RASSF5: variants seen among roughly 807,000 people sequenced by gnomAD.
RASSF5 encodes ras association domain-containing protein 5.
RASSF5 carries 25 observed loss-of-function variants against 40.5 expected under a neutral mutation model. The ratio of observed to expected loss-of-function variants is 0.62; its 90% CI spans 0.45 to 0.86. RASSF5 has a LOEUF of 0.86. Among genes scored for constraint, RASSF5 ranks in the 40% least tolerant of loss-of-function variants. The probability of loss-of-function intolerance (pLI) is 0.00; values close to 1 mark genes in which losing one functional copy is unlikely to be tolerated. For missense variants in RASSF5, 521 were observed against 572.8 expected (o/e 0.91, Z 0.92); for synonymous variants, 246 against 252.4 (o/e 0.97, Z 0.24).
At chr1:206,546,458 T>C (rs138394397) in intron 2 of RASSF5, among the ~76,000 whole-genome samples, 67 of 152,260 alleles carry the variant, frequency 4.4e-4, no homozygotes, top group African/African-American at 1.6e-3. Flanking sequence ...GTTCACTTTT[T>C]CTTTTTTTCT....
intron 1 of RASSF5, among the ~76,000 whole-genome samples, chr1:206,519,540 G>C (rs1666849793): frequency 6.6e-6 from 1 of 152,204 alleles, no homozygotes; most frequent in African/African-American, 2.4e-5. Flanking sequence ...TTGCCATCTG[G>C]CTGGGTCTGG....
rs1298036744 is a variant in RASSF5 at position 206,587,972 on chromosome 1, T to G, written c.*994T>G. ...ACTGCCTCCCTCCTCCCACTGCGAC[T>G]CTGGGATCTCCAGGTGCTGCCCAAG... is the stretch of plus-strand genomic sequence containing the variant. On this transcript the variant is annotated 3_prime_UTR_variant, in exon 6 of 6. Coordinates refer to ENST00000579436, the MANE Select transcript of RASSF5 (RefSeq NM_182663.4). The G allele has an allele frequency of 1.3e-5, 2 of 153,112 alleles. No homozygotes were observed. Among genetic ancestry groups the G allele is most frequent in the East Asian group, 3.8e-4 (2 of 5,326 alleles). The allele number at this position is 153,112 out of a possible 1,614,324, so 9.5% of individuals were successfully genotyped here.
At chr1:206,571,262 C>T (rs979944413) in intron 2 of RASSF5, 5 of 147,226 alleles carry the variant, frequency 3.4e-5, no homozygotes, top group Non-Finnish European at 6.0e-5. Flanking sequence ...TGTTCATGTC[C>T]ATTGTCTATT....
At chr1:206,527,862 G>A (rs1553397436) in intron 1 of RASSF5, among the ~76,000 whole-genome samples, 2 of 152,146 alleles carry the variant, frequency 1.3e-5, no homozygotes. Flanking sequence ...CGGTTCTGAG[G>A]AATGGGCTGT....
At position 206,583,334 on chromosome 1, in the gene RASSF5, C is replaced by A; in HGVS notation, c.645C>A (p.Ile215=). The change falls in exon 3 of 6, where the codon ATC becomes ATA. Residue 215 remains isoleucine (I), a synonymous_variant. Coordinates refer to ENST00000579436, the MANE Select transcript of RASSF5 (RefSeq NM_182663.4). ...PPTLQEIKQK[I]DSYNTREKNC... Reference sequence around the variant, plus strand: ...CACTGCAGGAGATCAAGCAGAAGATCGACAGCTACAACACGCGAGAGAAGA... The same window carrying A: ...CACTGCAGGAGATCAAGCAGAAGATAGACAGCTACAACACGCGAGAGAAGA... 2 of 1,613,814 alleles carry A rather than the reference C, an allele frequency of 1.2e-6. No individual in the cohort carries two copies. The highest frequency in any genetic ancestry group is 1.7e-6 in the Non-Finnish European group (2 of 1,179,850).
At position 206,583,379 on chromosome 1, in the gene RASSF5, G is replaced by A; in HGVS notation, c.690G>A (p.Leu230=). The stretch of plus-strand genomic sequence containing the variant: ...AGAAGAACTGCCTGGGCATGAAACT[G>A]GTAAGCGCCCGTCCACCCTCAACCT... The part of the protein sequence containing the change: ...TREKNCLGMK[L]SEDGTYTGFI... Residue 230 remains leucine (L), a splice_region_variant and synonymous_variant, in exon 3 of 6, where the codon CTG becomes CTA. Coordinates refer to ENST00000579436, the MANE Select transcript of RASSF5 (RefSeq NM_182663.4). The A allele has an allele frequency of 6.2e-7, 1 of 1,600,994 alleles. No individual in the cohort carries two copies. Among genetic ancestry groups the A allele is most frequent in the Non-Finnish European group, 8.6e-7 (1 of 1,168,196 alleles).
At chr1:206,521,814 A>G (rs782032123) in intron 1 of RASSF5, among the ~76,000 whole-genome samples, 21 of 152,128 alleles carry the variant, frequency 1.4e-4, no homozygotes, top group East Asian at 9.6e-4. Flanking sequence ...GGGCCCAGGG[A>G]TGGGTGAGAG....
At chr1:206,518,534 G>A (rs1558496114) in intron 1 of RASSF5, 4 of 398,454 alleles carry the variant, frequency 1.0e-5, no homozygotes, top group African/African-American at 8.2e-5. Flanking sequence ...ACGGGGCCCG[G>A]AGGGCTCGGG....
chr1:206,583,482 C>T, intron 3 of RASSF5, 103 bp downstream of exon 3: 1 of 803,088 alleles, frequency 1.2e-6, no homozygotes, highest in Non-Finnish European at 2.1e-6. Flanking sequence ...CCTGGCAGGT[C>T]CCCTCCCTTT....
chr1:206,507,694 C>G lies in RASSF5; in HGVS notation c.92C>G (p.Pro31Arg). 6.7e-7 allele frequency: 1 copy of G among 1,496,706 alleles called. No homozygotes were observed. The highest frequency in any genetic ancestry group is 8.9e-7 in the Non-Finnish European group (1 of 1,129,664). The allele number at this position is 1,496,706 out of a possible 1,614,324, so 92.7% of individuals were successfully genotyped here. A position where few individuals can be genotyped will look rare whatever the true frequency, so the allele number is the denominator to read the frequency against. Residue 31 changes from proline to arginine, a missense_variant, in exon 1 of 6, where the codon CCC becomes CGC. By Grantham distance (103) the Pro-to-Arg change is moderately radical. Around this residue, in one of 2 missense-constraint regions of RASSF5, gnomAD observed 237 missense variants for 212.0 expected, o/e 1.12. Coordinates refer to ENST00000579436, the MANE Select transcript of RASSF5 (RefSeq NM_182663.4). ...PPRYLQSLSGPELPPPPPDRS... is the reference protein window; with the variant it reads ...PPRYLQSLSGRELPPPPPDRS... ...CGCTATCTACAGAGCCTGAGCGGCC[C>G]CGAGCTACCGCCGCCGCCCCCCGAC...
chr1:206,517,390 T>G (rs1666778338), intron 1 of RASSF5, among the ~76,000 whole-genome samples: 1 of 152,144 alleles, frequency 6.6e-6, no homozygotes, highest in African/African-American at 2.4e-5. Context: ...GAGAATCACT[T>G]GAGCCCAGGA....
intron 1 of RASSF5, among the ~76,000 whole-genome samples, chr1:206,537,233 C>T (rs1208242073): frequency 2.0e-5 from 3 of 152,192 alleles, no homozygotes; most frequent in Non-Finnish European, 4.4e-5. Context: ...GTCCCCAAAG[C>T]TCTTTTCAAC....
chr1:206,586,540 T>G, intron 5 of RASSF5: 1 of 296,612 alleles, frequency 3.4e-6, no homozygotes, highest in Non-Finnish European at 6.4e-6. Context: ...ACTGTCAAGA[T>G]CTCGGCTGCT....
Position 206,538,192 on chromosome 1 carries a change from C to T in RASSF5, c.478C>T (p.Pro160Ser). 5 of 1,614,202 alleles carry T rather than the reference C, an allele frequency of 3.1e-6. No individual in the cohort carries two copies. Among genetic ancestry groups the T allele is most frequent in the Non-Finnish European group, 4.2e-6 (5 of 1,180,028 alleles). ...TCCAGACTGTAAATTCACCTGTCAC[C>T]CAGAATGCCGCAGCCTGATCCAGTT... ...RCTNCKFTCH[P>S]ECRSLIQLDC... The change falls in exon 2 of 6, where the codon CCA becomes TCA. Residue 160 changes from proline (P) to serine (S), a missense_variant. By Grantham distance (74) the Pro-to-Ser change is moderately conservative. Transcript: ENST00000579436.
chr1:206,514,864 G>T (rs1473836449), intron 1 of RASSF5, among the ~76,000 whole-genome samples: 1 of 152,238 alleles, frequency 6.6e-6, no homozygotes, highest in Non-Finnish European at 1.5e-5. Flanking sequence ...GAATGGCAAA[G>T]AAACTGTGGG....
intron 2 of RASSF5, among the ~76,000 whole-genome samples, chr1:206,553,563 G>A (rs1332365673): frequency 6.6e-6 from 1 of 152,204 alleles, no homozygotes; most frequent in Non-Finnish European, 1.5e-5. Context: ...AACTCCAATA[G>A]GAAGGGCTGG....
chr1:206,572,920 T>C (rs1371925975), intron 2 of RASSF5, among the ~76,000 whole-genome samples: 1 of 152,162 alleles, frequency 6.6e-6, no homozygotes, highest in Non-Finnish European at 1.5e-5. Context: ...GGAATCAAGG[T>C]CCCATATTGG....
rs1553393905 is a variant in RASSF5 at position 206,507,622 on chromosome 1, C to T, written c.20C>T (p.Ala7Val). Residue 7 changes from alanine to valine, a missense_variant, in exon 1 of 6, where the codon GCC becomes GTC. Ala to Val is a moderately conservative substitution (Grantham distance 64). Transcript: ENST00000579436. ...CCGGGCATGGCCATGGCGTCCCCGG[C>T]CATCGGGCAGCGCCCGTACCCGCTA... MAMASP[A>V]IGQRPYPLLL... 6.6e-7 allele frequency: 1 copy of T among 1,524,794 alleles called. No homozygotes were observed. Among genetic ancestry groups the T allele is most frequent in the Non-Finnish European group, 8.8e-7 (1 of 1,142,760 alleles). The allele number at this position is 1,524,794 out of a possible 1,614,324, so 94.5% of individuals were successfully genotyped here.
At position 206,523,668 on chromosome 1, in the gene RASSF5, AT is replaced by A. The variant is rs1181457765; in HGVS notation, c.458-14503del. ...AATATATTTATATAAAATATATAAA[AT>A]ATATTATATATAAATATATTATATA... On this transcript the variant is annotated intron_variant, in intron 1 of 5. Transcript: ENST00000579436. 4.6e-3 allele frequency among the ~76,000 whole-genome samples: 455 copies of A among 99,196 alleles called. 6 individuals carry two copies. The highest frequency in any genetic ancestry group is 0.017 in the African/African-American group (418 of 24,140). The allele number at this position is 99,196 out of a possible 152,430, so 65.1% of individuals were successfully genotyped here. A position where few individuals can be genotyped will look rare whatever the true frequency, so the allele number is the denominator to read the frequency against.
Sources: gnomAD v4.1 joint callset for allele counts (sites outside exome capture counted in the v4.1 genomes callset) on GRCh38, gnomAD v4.1.1 for gene constraint, gnomAD v4.1.1 regional missense constraint, MANE v1.5 for transcripts, NCBI Gene and HGNC (gene_info 2026-07-23, HGNC 2026-07-21) for gene names.